GINM1: variants seen among roughly 807,000 people sequenced by gnomAD.
GINM1 encodes the protein glycosylated integral membrane protein 1.
GINM1 carries 29 observed loss-of-function variants against 37.8 expected under a neutral mutation model. The observed-to-expected ratio is 0.77, with a 90% CI of 0.57 to 1.05. GINM1 has a LOEUF of 1.05. Among genes scored for constraint, GINM1 ranks in the 50% least tolerant of loss-of-function variants. The pLI, the probability that GINM1 is intolerant of heterozygous loss-of-function variation, is 0.00. For missense variants in GINM1, 377 were observed against 397.9 expected, an observed-to-expected ratio of 0.95 and a Z score of 0.45; for synonymous variants, 143 against 146.2, an observed-to-expected ratio of 0.98 and a Z score of 0.16.
At chr6:149,572,144 G>A in intron 1 of GINM1, 141 bp from the exon 2 acceptor site, 1 of 426,594 alleles carries the variant, frequency 2.3e-6, no homozygotes. Flanking sequence ...GCTATAAAAT[G>A]GAAAAGATGA....
chr6:149,568,741 T>A (rs1777760209), intron 1 of GINM1, among the ~76,000 whole-genome samples: 1 of 152,228 alleles, frequency 6.6e-6, no homozygotes, highest in African/African-American at 2.4e-5. Flanking sequence ...TGACTCAGAT[T>A]TATTGGACTA....
Position 149,566,486 on chromosome 6 carries a change from G to C in GINM1, c.72G>C (p.Trp24Cys), listed in dbSNP as rs755411796. 43 of 1,549,276 alleles carry C rather than the reference G, an allele frequency of 2.8e-5. 1 individual carries two copies. In the Middle Eastern group the frequency reaches 6.3e-4, roughly 23 times the overall value. ...TCGTGGCGCTACCCGCCTCCGGCTG[G>C]CTGACGACGGGCGCCCCCGAGCCGC... ...LLFVALPASG[W>C]LTTGAPEPPP... Residue 24 changes from tryptophan (W) to cysteine (C), a missense_variant, in exon 1 of 8, where the codon TGG (tryptophan) becomes TGC (cysteine). By Grantham distance (215) the Trp-to-Cys change is radical. Transcript: ENST00000367419. The surrounding 1 kb of genome is among the most constrained non-coding windows in gnomAD (Gnocchi z 4.4).
chr6:149,579,031 T>G, intron 4 of GINM1, 58 bp downstream of exon 4: 5 of 1,081,454 alleles, frequency 4.6e-6, no homozygotes, highest in Non-Finnish European at 6.8e-6. Context: ...GTGCTAGATA[T>G]TATGCATGTG....
rs998033226 is a variant in GINM1, at chr6:149,582,512, T to C, written c.790T>C (p.Phe264Leu). The change falls in exon 7 of 8, where the codon TTT (phenylalanine) becomes CTT (leucine). Residue 264 changes from phenylalanine to leucine, a missense_variant. Phe to Leu is a conservative substitution (Grantham distance 22). Coordinates refer to ENST00000367419, the MANE Select transcript of GINM1 (RefSeq NM_138785.5). ...RFWSNVFPVF[F>L]QFLNIMVVGI... ...CTGGAGCAACGTTTTCCCAGTATTC[T>C]TTCAGTTTTTGAACATCATGGTGGT... 4 of 1,612,672 alleles carry C rather than the reference T, an allele frequency of 2.5e-6. No homozygotes were observed. The African/African-American group carries it at 5.3e-5, about 22-fold the overall frequency.
At chr6:149,570,133 G>C (rs1777787517) in intron 1 of GINM1, among the ~76,000 whole-genome samples, 1 of 68,630 alleles carries the variant, frequency 1.5e-5, no homozygotes, top group Non-Finnish European at 2.4e-5. Flanking sequence ...TACTAGGTAG[G>C]TTTTATATAT....
intron 3 of GINM1, among the ~76,000 whole-genome samples, chr6:149,575,180 T>C (rs989688927): frequency 4.7e-4 from 72 of 152,336 alleles, no homozygotes; most frequent in African/African-American, 1.6e-3. Flanking sequence ...CCTATTTCTC[T>C]GTACATTCTG....
At position 149,580,711 on chromosome 6, in the gene GINM1, A is replaced by G; in HGVS notation, c.705A>G (p.Pro235=). 6.2e-7 allele frequency: 1 copy of G among 1,613,766 alleles called. No homozygotes were observed. Among genetic ancestry groups the G allele is most frequent in the Non-Finnish European group, 8.5e-7 (1 of 1,179,780 alleles). The change falls in exon 6 of 8, where the codon CCA becomes CCG. Residue 235 remains proline, a synonymous_variant. Coordinates refer to ENST00000367419, the MANE Select transcript of GINM1 (RefSeq NM_138785.5). ...AAACTCCTCTCAGAGCAGAGCCGCC[A>G]TCTTCATATAAGGTAAATCAAGTAT... ...LPETPLRAEP[P]SSYKVMCQWM... is the part of the protein sequence containing the mutation.
At chr6:149,570,996 T>C (rs1183527898) in intron 1 of GINM1, among the ~76,000 whole-genome samples, 5 of 152,108 alleles carry the variant, frequency 3.3e-5, no homozygotes, top group Non-Finnish European at 7.4e-5. Context: ...CAGATGCTTG[T>C]ATAAGAAACA....
In GINM1 at chr6:149,572,289, G is replaced by T; in HGVS notation, c.125G>T (p.Gly42Val). The T allele has an allele frequency of 1.3e-6, 2 of 1,588,026 alleles. No homozygotes were observed. Among genetic ancestry groups the T allele is most frequent in the Admixed American group, 3.6e-5 (2 of 55,482 alleles). ...TACACAATACTTGTTTTACAGGACG[G>T]CATCAGAATTAATGTAACTACACTG... ...PPPLSGAPQD[G>V]IRINVTTLKD... Residue 42 changes from glycine to valine, a missense_variant, in exon 2 of 8, where the codon GGC becomes GTC. By Grantham distance (109) the Gly-to-Val change is moderately radical. Coordinates refer to ENST00000367419, the MANE Select transcript of GINM1 (RefSeq NM_138785.5).
chr6:149,586,337 G>A (rs1188139646), intron 7 of GINM1, among the ~76,000 whole-genome samples: 1 of 152,120 alleles, frequency 6.6e-6, no homozygotes, highest in Non-Finnish European at 1.5e-5. Context: ...TCCAGGGAAT[G>A]AATAATGAGA....
chr6:149,567,487 A>C (rs930927000), intron 1 of GINM1, among the ~76,000 whole-genome samples: 1 of 152,160 alleles, frequency 6.6e-6, no homozygotes, highest in Non-Finnish European at 1.5e-5. Context: ...CTAAAAATAG[A>C]AAAATTAGCT....
intron 7 of GINM1, among the ~76,000 whole-genome samples, chr6:149,586,603 G>A (rs1778074669): frequency 6.6e-6 from 1 of 152,194 alleles, no homozygotes; most frequent in South Asian, 2.1e-4. Flanking sequence ...GAAGTCTCTT[G>A]AAAATTTATA....
chr6:149,567,966 C>T (rs780103377), intron 1 of GINM1, among the ~76,000 whole-genome samples: 3 of 152,224 alleles, frequency 2.0e-5, no homozygotes, highest in Non-Finnish European at 2.9e-5. Flanking sequence ...GAGATGTTTA[C>T]GTCTATATAA....
In GINM1 at chr6:149,590,808, T is replaced by G; in HGVS notation, c.963T>G (p.Ala321=). The G allele has an allele frequency of 6.3e-7, 1 of 1,589,562 alleles. No individual in the cohort carries two copies. The highest frequency in any genetic ancestry group is 8.6e-7 in the Non-Finnish European group (1 of 1,158,160). Residue 321 remains alanine (A), a synonymous_variant, in exon 8 of 8, where the codon GCT becomes GCG. Coordinates refer to ENST00000367419, the MANE Select transcript of GINM1 (RefSeq NM_138785.5). ...ATCCAGATGGTCCAGAGAAAAGAGC[T>G]GAAAACCTTGAAGATAAAACATGTA... The part of the protein sequence containing the change: ...NLYPDGPEKR[A]ENLEDKTCI
At position 149,578,387 on chromosome 6, in the gene GINM1, A is replaced by G. The variant is rs1777947153; in HGVS notation, c.278-435A>G. Among the ~76,000 whole-genome samples, 3 of 152,034 alleles carry G rather than the reference A, an allele frequency of 2.0e-5. 1 individual carries two copies. In the South Asian group the frequency reaches 6.2e-4, roughly 32 times the overall value. On this transcript the variant is annotated intron_variant, in intron 3 of 7. Transcript: ENST00000367419. Reference sequence around the variant, plus strand: ...TAAAAATACAAAAAAACAGCTGAGCATGGTGGTGCAAGCCTGTAAACCCAG... The same window carrying G: ...TAAAAATACAAAAAAACAGCTGAGCGTGGTGGTGCAAGCCTGTAAACCCAG...
In GINM1 at chr6:149,566,523, G is replaced by C; in HGVS notation, c.109G>C (p.Gly37Arg). Residue 37 changes from glycine to arginine, a missense_variant, in exon 1 of 8, where the codon GGA becomes CGA. Physicochemically the swap from Gly to Arg is moderately radical, Grantham distance 125 (BLOSUM62 -2). Coordinates refer to ENST00000367419, the MANE Select transcript of GINM1 (RefSeq NM_138785.5). The surrounding 1 kb of genome is among the most constrained non-coding windows in gnomAD (Gnocchi z 4.4). ...TGAPEPPPLSGAPQDGIRINV... is the reference protein window; with the variant it reads ...TGAPEPPPLSRAPQDGIRINV... ...CGCCCCCGAGCCGCCGCCGCTGTCC[G>C]GAGCCCCACAGGTAGGGCAGGGCGG... The C allele has an allele frequency of 4.6e-6, 7 of 1,526,228 alleles. No individual in the cohort carries two copies. Among genetic ancestry groups the C allele is most frequent in the Non-Finnish European group, 6.1e-6 (7 of 1,144,522 alleles). The allele number at this position is 1,526,228 out of a possible 1,614,324, so 94.5% of individuals were successfully genotyped here. A position where few individuals can be genotyped will look rare whatever the true frequency, so the allele number is the denominator to read the frequency against.
chr6:149,577,607 A>G (rs935560338), intron 3 of GINM1: 3 of 152,232 alleles, frequency 2.0e-5, no homozygotes, highest in African/African-American at 4.8e-5. Context: ...GAGAATAGGT[A>G]GGTATATCTT....
At chr6:149,576,898 G>T (rs933061923) in intron 3 of GINM1, among the ~76,000 whole-genome samples, 4 of 152,226 alleles carry the variant, frequency 2.6e-5, no homozygotes, top group African/African-American at 9.6e-5. Context: ...ATTGGCTCAT[G>T]GTTCTGCAGG....
chr6:149,586,154 C>T (rs1778067370), intron 7 of GINM1, among the ~76,000 whole-genome samples: 1 of 152,090 alleles, frequency 6.6e-6, no homozygotes, highest in South Asian at 2.1e-4. Context: ...CTGCAAGAAC[C>T]GTGTAGGCTG....
Sources: gnomAD v4.1 joint callset for allele counts (sites outside exome capture counted in the v4.1 genomes callset) on GRCh38, gnomAD v4.1.1 for gene constraint, Gnocchi (gnomAD v3.1) non-coding constraint, MANE v1.5 for transcripts, NCBI Gene and HGNC (gene_info 2026-07-23, HGNC 2026-07-21) for gene names.